Variants in ATRN observed in about 807,000 individuals in gnomAD.
ATRN encodes attractin-2.
Under a neutral mutation model 178.7 loss-of-function variants are expected in ATRN, and 54 were observed. The observed-to-expected ratio is 0.30, with a 90% CI of 0.24 to 0.38. The LOEUF is 0.38. ATRN is among the 10% of genes least tolerant of loss of function. The pLI, the probability that ATRN is intolerant of heterozygous loss-of-function variation, is 1.00. For synonymous variants in ATRN, 636 were observed against 663.0 expected (o/e 0.96, Z 0.63); for missense variants, 1,443 against 1,815.1 (o/e 0.79, Z 3.73).
intron 20 of ATRN, among the ~76,000 whole-genome samples, chr20:3,595,076 A>G (rs1003043687): frequency 6.6e-6 from 1 of 152,200 alleles, no homozygotes; most frequent in Non-Finnish European, 1.5e-5. Context: ...GTCCCCATCC[A>G]TGAGGATGCA....
chr20:3,616,808 C>A (rs1212300495), intron 24 of ATRN, among the ~76,000 whole-genome samples: 1 of 152,010 alleles, frequency 6.6e-6, no homozygotes, highest in African/African-American at 2.4e-5. Context: ...TCCAGGGAGT[C>A]CAGGTGGAAT....
intron 24 of ATRN, among the ~76,000 whole-genome samples, chr20:3,612,211 A>G (rs908856424): frequency 3.9e-5 from 6 of 152,270 alleles, no homozygotes; most frequent in Non-Finnish European, 7.3e-5. Context: ...ATATACAGAA[A>G]CACAACAACT....
chr20:3,565,850 A>C (rs1374788861), intron 11 of ATRN, among the ~76,000 whole-genome samples: 13 of 151,868 alleles, frequency 8.6e-5, no homozygotes, highest in Admixed American at 7.2e-4. Flanking sequence ...TGGACTCAAC[A>C]TATTATTCAC....
At chr20:3,596,281 C>T in intron 20 of ATRN, 96 bp from the exon 21 acceptor site, 1 of 1,271,522 alleles carries the variant, frequency 7.9e-7, no homozygotes, top group Non-Finnish European at 1.1e-6. Flanking sequence ...TGGCTCCAGA[C>T]TATCTGTACT....
chr20:3,559,885 A>G (rs757879741), intron 7 of ATRN, among the ~76,000 whole-genome samples: 32 of 152,172 alleles, frequency 2.1e-4, no homozygotes, highest in Non-Finnish European at 4.1e-4. Flanking sequence ...TTTATACTAT[A>G]AAAGATTCAT....
intron 20 of ATRN, among the ~76,000 whole-genome samples, chr20:3,595,097 C>A (rs1377708076): frequency 6.6e-6 from 1 of 152,220 alleles, no homozygotes; most frequent in Non-Finnish European, 1.5e-5. Flanking sequence ...GGTGCAGCAG[C>A]ATCAGGCATG....
chr20:3,501,619 C>T (rs1600041673), intron 1 of ATRN, among the ~76,000 whole-genome samples: 1 of 152,160 alleles, frequency 6.6e-6, no homozygotes, highest in South Asian at 2.1e-4. Flanking sequence ...TTTTAAAAAT[C>T]TGCTTGAAGG....
At chr20:3,545,619 G>C (rs1029100300) in intron 3 of ATRN, 143 bp from the exon 4 acceptor site, 1 of 961,594 alleles carries the variant, frequency 1.0e-6, no homozygotes, top group African/African-American at 1.6e-5. Flanking sequence ...GGGTAGCACT[G>C]TGTGTTTATC....
chr20:3,576,827 C>G, intron 13 of ATRN, 32 bp from the exon 14 acceptor site: 1 of 1,609,098 alleles, frequency 6.2e-7, no homozygotes, highest in Non-Finnish European at 8.5e-7. Context: ...TCTGTGGATA[C>G]AAAAGAAAAG....
At chr20:3,533,988 A>G (rs1011157266) in intron 1 of ATRN, among the ~76,000 whole-genome samples, 5 of 152,110 alleles carry the variant, frequency 3.3e-5, no homozygotes, top group African/African-American at 1.2e-4. Flanking sequence ...CAGATTTCTA[A>G]TCAGTCAGTG....
At chr20:3,624,242 C>A (rs2086919290) in intron 24 of ATRN, among the ~76,000 whole-genome samples, 1 of 152,170 alleles carries the variant, frequency 6.6e-6, no homozygotes. Flanking sequence ...ATGCGAGGGT[C>A]TCCAGGGTCA....
chr20:3,500,449 A>G (rs1271733755), intron 1 of ATRN, among the ~76,000 whole-genome samples: 3 of 151,930 alleles, frequency 2.0e-5, no homozygotes, highest in African/African-American at 4.8e-5. Flanking sequence ...ATGTCCAACA[A>G]TGATAGACTG....
At chr20:3,488,082 A>G (rs2084721916) in intron 1 of ATRN, among the ~76,000 whole-genome samples, 1 of 147,258 alleles carries the variant, frequency 6.8e-6, no homozygotes, top group South Asian at 2.1e-4. Flanking sequence ...GGAGTTGGCT[A>G]ACATGTTCCC....
Position 3,562,467 on chromosome 20 carries a change from C to G in ATRN, c.1631+8C>G, listed in dbSNP as rs528145458. On this transcript the variant is annotated splice_region_variant and intron_variant, in intron 9 of 28. Coordinates refer to ENST00000262919, the MANE Select transcript of ATRN (RefSeq NM_139321.3). ...TGTGGATACCCAGATGTGGTGGGTA[C>G]TTTTTCTTGAGCTTTCACTTTAAGG... 54 of 1,612,710 alleles carry G rather than the reference C, an allele frequency of 3.3e-5. No homozygotes were observed. In the East Asian group the frequency reaches 1.1e-3, roughly 33 times the overall value.
chr20:3,632,085 C>T lies in ATRN; in HGVS notation c.3864-2226C>T, dbSNP rs1317486983. 6.6e-6 allele frequency among the ~76,000 whole-genome samples: 1 copy of T among 152,114 alleles called. No individual in the cohort carries two copies. The highest frequency in any genetic ancestry group is 1.9e-4 in the East Asian group (1 of 5,182). On this transcript the variant is annotated intron_variant, in intron 25 of 28. Transcript: ENST00000262919. The surrounding 1 kb of genome is among the most constrained non-coding windows in gnomAD (Gnocchi z 4.2). Reference sequence around the variant, plus strand: ...GCCCAGCCCAGACCTGGCAGCCAGCCTCCAGGTTAGAATATCTGCCCAGGA... The same window carrying T: ...GCCCAGCCCAGACCTGGCAGCCAGCTTCCAGGTTAGAATATCTGCCCAGGA...
intron 1 of ATRN, among the ~76,000 whole-genome samples, chr20:3,502,305 C>T (rs1294303512): frequency 2.0e-5 from 3 of 152,162 alleles, no homozygotes; most frequent in Non-Finnish European, 4.4e-5. Flanking sequence ...TTTTCCTGCT[C>T]TTCCCTGCTA....
At chr20:3,575,427 G>A (rs1166970538) in intron 12 of ATRN, among the ~76,000 whole-genome samples, 2 of 152,142 alleles carry the variant, frequency 1.3e-5, no homozygotes, top group Non-Finnish European at 2.9e-5. Flanking sequence ...GCCCAAATTA[G>A]CCTTGCGTTT....
intron 6 of ATRN, among the ~76,000 whole-genome samples, chr20:3,550,627 T>C (rs2085774307): frequency 6.6e-6 from 1 of 152,238 alleles, no homozygotes; most frequent in African/African-American, 2.4e-5. Flanking sequence ...TGAATATGAA[T>C]TTAAAGTCAC....
intron 27 of ATRN, among the ~76,000 whole-genome samples, chr20:3,642,872 G>A (rs1005330549): frequency 6.6e-6 from 1 of 152,184 alleles, no homozygotes; most frequent in African/African-American, 2.4e-5. Context: ...AGTTTCTCTG[G>A]CTGGTGGCAG....
Sources: gnomAD v4.1 joint callset for allele counts (sites outside exome capture counted in the v4.1 genomes callset) on GRCh38, gnomAD v4.1.1 for gene constraint, Gnocchi (gnomAD v3.1) non-coding constraint, MANE v1.5 for transcripts, NCBI Gene and HGNC (gene_info 2026-07-23, HGNC 2026-07-21) for gene names.